Variants in EIF3E observed in about 807,000 individuals in gnomAD.
EIF3E encodes the protein eIF-3 p48.
EIF3E carries 25 observed loss-of-function variants against 59.3 expected under a neutral mutation model. That is an observed-to-expected ratio of 0.42 (90% CI 0.31 to 0.59). EIF3E has a LOEUF of 0.59. Ranked by LOEUF, EIF3E falls within the 20% of genes least tolerant of loss-of-function variation. EIF3E has a pLI of 0.15. For missense variants in EIF3E, 317 were observed against 534.3 expected, an observed-to-expected ratio of 0.59 and a Z score of 4.01; for synonymous variants, 176 against 170.2, an observed-to-expected ratio of 1.03 and a Z score of -0.26.
At chr8:108,239,818 G>A (rs1563637414) in intron 3 of EIF3E, 140 bp downstream of exon 3, 1 of 697,324 alleles carries the variant, frequency 1.4e-6, no homozygotes, top group South Asian at 1.8e-5. Flanking sequence ...ACAAAATAAG[G>A]ATAAACAAAA....
intron 10 of EIF3E, among the ~76,000 whole-genome samples, chr8:108,209,835 G>A (rs552461745): frequency 6.6e-6 from 1 of 152,260 alleles, no homozygotes; most frequent in Non-Finnish European, 1.5e-5. Flanking sequence ...GCAGGGAAGA[G>A]GGTACCACTA....
At chr8:108,223,571 T>C in intron 7 of EIF3E, among the ~76,000 whole-genome samples, 1 of 151,040 alleles carries the variant, frequency 6.6e-6, no homozygotes, top group African/African-American at 2.4e-5. Context: ...AACAAAATAC[T>C]CTTTTACTAA....
intron 4 of EIF3E, among the ~76,000 whole-genome samples, chr8:108,235,342 G>A (rs1366635192): frequency 2.0e-5 from 3 of 152,106 alleles, no homozygotes; most frequent in Admixed American, 1.3e-4. Flanking sequence ...GGCTGGGGTC[G>A]GGGAGGTGGT....
intron 7 of EIF3E, among the ~76,000 whole-genome samples, chr8:108,225,370 G>A (rs1815499156): frequency 6.6e-6 from 1 of 151,432 alleles, no homozygotes; most frequent in Non-Finnish European, 1.5e-5. Context: ...CATGAATGTG[G>A]TTTTTCTGGT....
rs1815935406 is a variant in EIF3E at position 108,245,694 on chromosome 8, A to C, written c.90+2919T>G. ...CAGAGCCCAGGGTCCTAAATATTTC[A>C]CTATCTGGCCTTCTGCTTCACATGA... is the stretch of plus-strand genomic sequence containing the variant. On this transcript the variant is annotated intron_variant, in intron 1 of 12. Transcript: ENST00000220849. 2.6e-5 allele frequency among the ~76,000 whole-genome samples: 4 copies of C among 152,312 alleles called. 1 individual carries two copies. In the South Asian group the frequency reaches 8.3e-4, roughly 32 times the overall value.
chr8:108,221,027 T>C (rs1161773114), intron 7 of EIF3E, among the ~76,000 whole-genome samples: 1 of 137,732 alleles, frequency 7.3e-6, no homozygotes, highest in African/African-American at 3.2e-5. Flanking sequence ...GAGCGAGACA[T>C]GGACAGACAG....
At chr8:108,231,405 C>T (rs1398892456) in intron 5 of EIF3E, among the ~76,000 whole-genome samples, 1 of 152,032 alleles carries the variant, frequency 6.6e-6, no homozygotes, top group Non-Finnish European at 1.5e-5. Flanking sequence ...ACAACAGAGC[C>T]AGAATTTCAA....
intron 7 of EIF3E, among the ~76,000 whole-genome samples, chr8:108,226,032 T>C (rs912774292): frequency 5.9e-5 from 9 of 152,198 alleles, no homozygotes; most frequent in East Asian, 3.8e-4. Context: ...TAAAACCAAG[T>C]AACATTCTTT....
rs1048969575 is a variant in EIF3E at position 108,217,578 on chromosome 8, G to A, written c.723-118C>T. On this transcript the variant is annotated intron_variant, in intron 7 of 12. Coordinates refer to ENST00000220849, the MANE Select transcript of EIF3E (RefSeq NM_001568.3). ...CCTAAGACTGCAAACACTTAAGAATGAGTATTATAAGAAAATCTCCTCCAA... is the reference window on the plus strand; with the variant it reads ...CCTAAGACTGCAAACACTTAAGAATAAGTATTATAAGAAAATCTCCTCCAA... 3.6e-5 allele frequency: 28 copies of A among 774,860 alleles called. No homozygotes were observed. In the Admixed American group the frequency reaches 4.2e-4, roughly 12 times the overall value. 48.0% of individuals were successfully genotyped at this position (774,860 alleles called of 1,614,324 possible).
intron 10 of EIF3E, among the ~76,000 whole-genome samples, chr8:108,207,376 A>G (rs1815121543): frequency 6.6e-6 from 1 of 152,186 alleles, no homozygotes; most frequent in African/African-American, 2.4e-5. Context: ...TAAAAGTGTA[A>G]TATCCTATCA....
At chr8:108,239,089 A>C (rs1265388830) in intron 3 of EIF3E, among the ~76,000 whole-genome samples, 1 of 152,184 alleles carries the variant, frequency 6.6e-6, no homozygotes, top group Admixed American at 6.5e-5. Context: ...GGTATGAAAG[A>C]ATGTAGCCAG....
intron 10 of EIF3E, among the ~76,000 whole-genome samples, chr8:108,204,746 T>TAGAGAGAGAG (rs1180256994): frequency 1.8e-5 from 2 of 113,682 alleles, no homozygotes; most frequent in African/African-American, 3.5e-5. Flanking sequence ...TATATATATA[T>TAGAGAGAGAG]AGAGAGAGAG....
chr8:108,238,221 T>C (rs1815770785), intron 3 of EIF3E, among the ~76,000 whole-genome samples: 1 of 152,186 alleles, frequency 6.6e-6, no homozygotes, highest in Non-Finnish European at 1.5e-5. Flanking sequence ...TAGTTTAGTA[T>C]AATATATAGC....
At chr8:108,230,207 A>G (rs544694378) in intron 5 of EIF3E, among the ~76,000 whole-genome samples, 1 of 152,310 alleles carries the variant, frequency 6.6e-6, no homozygotes, top group African/African-American at 2.4e-5. Flanking sequence ...ATTACAAGTT[A>G]AATTATATGT....
chr8:108,222,565 C>T (rs544628235), intron 7 of EIF3E, among the ~76,000 whole-genome samples: 1 of 152,170 alleles, frequency 6.6e-6, no homozygotes, highest in African/African-American at 2.4e-5. Flanking sequence ...TATATTTTAA[C>T]AGTTAGCCTA....
intron 3 of EIF3E, among the ~76,000 whole-genome samples, chr8:108,237,000 C>T (rs59905941): frequency 0.094 from 14,216 of 151,416 alleles, 2,122 homozygotes; most frequent in African/African-American, 0.31. Flanking sequence ...CCAGCCTGGG[C>T]GACAGAGTGA....
At chr8:108,239,191 T>A (rs533534074) in intron 3 of EIF3E, among the ~76,000 whole-genome samples, 176 of 152,204 alleles carry the variant, frequency 1.2e-3, no homozygotes, top group African/African-American at 4.2e-3. Context: ...CTTTTTTATT[T>A]TTTCCTGAGA....
intron 10 of EIF3E, among the ~76,000 whole-genome samples, chr8:108,208,704 C>T (rs2129848251): frequency 6.6e-6 from 1 of 152,134 alleles, no homozygotes; most frequent in South Asian, 2.1e-4. Context: ...AGAATAACTT[C>T]AAAACTTAAG....
At chr8:108,239,262 A>G (rs1815792991) in intron 3 of EIF3E, among the ~76,000 whole-genome samples, 1 of 152,154 alleles carries the variant, frequency 6.6e-6, no homozygotes, top group Admixed American at 6.5e-5. Flanking sequence ...GACTCATTGC[A>G]ACCTCCGCCT....
Sources: gnomAD v4.1 joint callset for allele counts (sites outside exome capture counted in the v4.1 genomes callset) on GRCh38, gnomAD v4.1.1 for gene constraint, MANE v1.5 for transcripts, NCBI Gene and HGNC (gene_info 2026-07-23, HGNC 2026-07-21) for gene names.